CDC14B: variants seen among roughly 807,000 people sequenced by gnomAD.
The protein encoded by CDC14B is cell division cycle 14B, also known as dual specificity protein phosphatase CDC14B.
Under a neutral mutation model 64.2 loss-of-function variants are expected in CDC14B, and 22 were observed. The observed-to-expected ratio is 0.34, with a 90% CI of 0.24 to 0.49. The LOEUF (loss-of-function observed/expected upper bound fraction) is 0.49, where lower values mean the gene tolerates loss of function less well. Ranked by LOEUF, CDC14B falls within the 20% of genes least tolerant of loss-of-function variation. The pLI is 0.99. For synonymous variants in CDC14B, 191 were observed against 215.8 expected (o/e 0.89, Z 1.01); for missense variants, 498 against 629.9 (o/e 0.79, Z 2.24).
At chr9:96,618,807 G>A (rs945797424) in intron 1 of CDC14B, 9 of 346,060 alleles carry the variant, frequency 2.6e-5, no homozygotes, top group African/African-American at 2.0e-4. Flanking sequence ...GGAATCCTCA[G>A]GGGCTGATTC....
chr9:96,563,022 G>A (rs1200194725), intron 3 of CDC14B, among the ~76,000 whole-genome samples: 2 of 152,216 alleles, frequency 1.3e-5, no homozygotes, highest in Non-Finnish European at 2.9e-5. Flanking sequence ...ATGGACACAT[G>A]CTTAAAGCAT....
chr9:96,607,036 TA>T lies in CDC14B; in HGVS notation c.160+12182del, dbSNP rs112695794. ...AGCAAGACTGTGTCTCAAAAAAATTTAAAAAAAAAAAAATTTAAATAAGAAT... is the reference window on the plus strand; with the variant it reads ...AGCAAGACTGTGTCTCAAAAAAATTTAAAAAAAAAAAATTTAAATAAGAAT... On this transcript the variant is annotated intron_variant, in intron 1 of 13. Coordinates refer to ENST00000375241, the MANE Select transcript of CDC14B (RefSeq NM_033331.4). Among the ~76,000 whole-genome samples, 1,059 of 143,130 alleles carry T rather than the reference TA, an allele frequency of 7.4e-3. 11 individuals carry two copies. Among genetic ancestry groups the T allele is most frequent in the African/African-American group, 0.025 (971 of 39,500 alleles). 93.9% of individuals were successfully genotyped at this position (143,130 alleles called of 152,430 possible).
At chr9:96,575,229 T>C (rs1844733051) in intron 1 of CDC14B, among the ~76,000 whole-genome samples, 1 of 152,196 alleles carries the variant, frequency 6.6e-6, no homozygotes, top group South Asian at 2.1e-4. Context: ...CTTGTGGTTG[T>C]CCGATGTGCC....
At chr9:96,578,949 C>T (rs1844970933) in intron 1 of CDC14B, among the ~76,000 whole-genome samples, 1 of 152,142 alleles carries the variant, frequency 6.6e-6, no homozygotes, top group African/African-American at 2.4e-5. Context: ...TCCCAAGTAG[C>T]TGGGATTACA....
chr9:96,511,612 C>T (rs544665325), intron 12 of CDC14B, among the ~76,000 whole-genome samples: 1 of 152,264 alleles, frequency 6.6e-6, no homozygotes, highest in Admixed American at 6.5e-5. Flanking sequence ...CGGTCCCAAG[C>T]CTTCTGGGGA....
intron 1 of CDC14B, among the ~76,000 whole-genome samples, chr9:96,584,634 A>G (rs1974180): frequency 0.059 from 9,051 of 152,272 alleles, 901 homozygotes; most frequent in African/African-American, 0.2. Flanking sequence ...TTTCTTGGCA[A>G]TTAATAAAAC....
At position 96,504,501 on chromosome 9, in the gene CDC14B, G is replaced by A. The variant is rs1047752609; in HGVS notation, c.1461-712C>T. ...CTCTTCAAGGAGAAGCGTTTGAATC[G>A]ATCATTTCGTTTTCAGAGATCCCAA... On this transcript the variant is annotated intron_variant, in intron 13 of 13. Transcript: ENST00000375241. 1.6e-4 allele frequency among the ~76,000 whole-genome samples: 24 copies of A among 152,176 alleles called. 1 individual carries two copies. The highest frequency in any genetic ancestry group is 1.2e-3 in the Admixed American group (18 of 15,272).
At chr9:96,593,587 G>A (rs2118657551) in intron 1 of CDC14B, among the ~76,000 whole-genome samples, 1 of 151,842 alleles carries the variant, frequency 6.6e-6, no homozygotes, top group East Asian at 1.9e-4. Flanking sequence ...ATAATTAACA[G>A]GATTTTTTGT....
intron 11 of CDC14B, 37 bp downstream of exon 11, chr9:96,523,224 A>T: frequency 6.2e-7 from 1 of 1,609,052 alleles, no homozygotes; most frequent in Admixed American, 1.7e-5. Context: ...TAGCAGTTAA[A>T]GCAGTAACAA....
rs912824833 is a variant in CDC14B at position 96,537,304 on chromosome 9, A to AAAAAT, written c.627+1769_627+1773dup. ...CCCTGTCTCTAAAAAAGAAAGAAAG[A>AAAAAT]AAAATAAAATAAAATAAAACTGTTA... is the stretch of plus-strand genomic sequence containing the variant. On this transcript the variant is annotated intron_variant, in intron 7 of 13. Transcript: ENST00000375241. 1.6e-4 allele frequency among the ~76,000 whole-genome samples: 25 copies of AAAAAT among 152,288 alleles called. No homozygotes were observed. The East Asian group carries it at 3.3e-3, about 20-fold the overall frequency.
At chr9:96,601,650 G>A (rs1373140227) in intron 1 of CDC14B, among the ~76,000 whole-genome samples, 4 of 151,354 alleles carry the variant, frequency 2.6e-5, no homozygotes, top group South Asian at 4.2e-4. Flanking sequence ...AAAATTAGCC[G>A]GGTGTGGTGG....
intron 5 of CDC14B, among the ~76,000 whole-genome samples, chr9:96,543,602 C>T (rs1268863196): frequency 6.6e-6 from 1 of 152,168 alleles, no homozygotes; most frequent in Non-Finnish European, 1.5e-5. Context: ...CTATACAAAT[C>T]TCTTAATATC....
At chr9:96,508,954 G>A (rs1455702480) in intron 13 of CDC14B, among the ~76,000 whole-genome samples, 1 of 152,200 alleles carries the variant, frequency 6.6e-6, no homozygotes, top group African/African-American at 2.4e-5. Context: ...CAGGAGGACA[G>A]AAACAGGACT....
chr9:96,511,090 A>G (rs113441235), intron 12 of CDC14B, among the ~76,000 whole-genome samples: 1 of 152,212 alleles, frequency 6.6e-6, no homozygotes, highest in African/African-American at 2.4e-5. Context: ...AGCTCAAAGG[A>G]GTAAAAAGTT....
At chr9:96,549,142 A>C (rs1366046159) in intron 5 of CDC14B, among the ~76,000 whole-genome samples, 2 of 152,234 alleles carry the variant, frequency 1.3e-5, no homozygotes, top group East Asian at 3.8e-4. Flanking sequence ...GATAAATATG[A>C]AATGCAATAG....
At chr9:96,556,384 C>T (rs1288432440) in intron 4 of CDC14B, among the ~76,000 whole-genome samples, 1 of 151,592 alleles carries the variant, frequency 6.6e-6, no homozygotes, top group African/African-American at 2.4e-5. Context: ...AAAGAATGCT[C>T]ACAAATCAAT....
chr9:96,596,590 G>A (rs1334341745), intron 1 of CDC14B, among the ~76,000 whole-genome samples: 2 of 152,142 alleles, frequency 1.3e-5, no homozygotes, highest in Admixed American at 6.5e-5. Flanking sequence ...GGCAGGCATA[G>A]TGGCTCACTC....
chr9:96,531,791 C>A (rs1215716961), intron 9 of CDC14B, among the ~76,000 whole-genome samples: 1 of 152,092 alleles, frequency 6.6e-6, no homozygotes, highest in Non-Finnish European at 1.5e-5. Flanking sequence ...TACAAATTAT[C>A]TTGTTACAAT....
At chr9:96,510,669 G>A (rs529354067) in intron 12 of CDC14B, among the ~76,000 whole-genome samples, 112 of 150,512 alleles carry the variant, frequency 7.4e-4, no homozygotes, top group African/African-American at 2.6e-3. Context: ...GCAGTGGCGT[G>A]ATCTCGACTC....
Sources: allele counts gnomAD v4.1 joint callset (sites outside exome capture counted in the v4.1 genomes callset), GRCh38; gene constraint gnomAD v4.1.1; transcripts MANE v1.5; gene names NCBI Gene and HGNC (gene_info 2026-07-23, HGNC 2026-07-21).